Variants in CAMTA1 observed in about 807,000 individuals in gnomAD.
CAMTA1 encodes calmodulin binding transcription activator 1.
Under a neutral mutation model 170.9 loss-of-function variants are expected in CAMTA1, and 27 were observed. That is an observed-to-expected ratio of 0.16 (90% CI 0.12 to 0.22). The LOEUF is 0.22. Among genes scored for constraint, CAMTA1 ranks in the 10% least tolerant of loss-of-function variants. The pLI, the probability that CAMTA1 is intolerant of heterozygous loss-of-function variation, is 1.00. For missense variants in CAMTA1, 1,619 were observed against 2,217.2 expected (o/e 0.73, Z 5.42); for synonymous variants, 833 against 891.5 (o/e 0.93, Z 1.17).
At chr1:7,361,628 A>C (rs1389385792) in intron 5 of CAMTA1, among the ~76,000 whole-genome samples, 1 of 152,244 alleles carries the variant, frequency 6.6e-6, no homozygotes, top group African/African-American at 2.4e-5. Context: ...TTAAAAGTCA[A>C]GATGAATCTC....
At chr1:7,424,087 C>G (rs2091740811) in intron 5 of CAMTA1, among the ~76,000 whole-genome samples, 1 of 152,082 alleles carries the variant, frequency 6.6e-6, no homozygotes, top group Admixed American at 6.5e-5. Context: ...AAGCCCACGT[C>G]AGCCTTCCTC....
intron 3 of CAMTA1, among the ~76,000 whole-genome samples, chr1:7,013,209 CTTTTTTT>C (rs969077771): frequency 8.3e-5 from 7 of 84,198 alleles, no homozygotes; most frequent in African/African-American, 3.7e-4. Flanking sequence ...TGCCCTTCTT[CTTTTTTT>C]TTTTTTTTTT....
chr1:7,110,824 C>A (rs937650069), intron 4 of CAMTA1, among the ~76,000 whole-genome samples: 1 of 152,212 alleles, frequency 6.6e-6, no homozygotes, highest in Non-Finnish European at 1.5e-5. Context: ...TGTGCGACCT[C>A]GATTCCCAAA....
intron 4 of CAMTA1, among the ~76,000 whole-genome samples, chr1:7,180,241 C>G (rs1266846375): frequency 6.6e-6 from 1 of 151,872 alleles, no homozygotes; most frequent in Non-Finnish European, 1.5e-5. Flanking sequence ...GTGTCACGTT[C>G]CTGTAATCCC....
At chr1:7,321,337 T>C (rs1310096973) in intron 5 of CAMTA1, among the ~76,000 whole-genome samples, 1 of 152,200 alleles carries the variant, frequency 6.6e-6, no homozygotes, top group Non-Finnish European at 1.5e-5. Flanking sequence ...CTTTACCGTT[T>C]TGGGGTCCTA....
At chr1:7,231,086 C>A (rs556002016) in intron 4 of CAMTA1, among the ~76,000 whole-genome samples, 37 of 152,262 alleles carry the variant, frequency 2.4e-4, no homozygotes, top group Middle Eastern at 6.8e-3. Context: ...GCAGTCGAGT[C>A]TGATCGTGGG....
At chr1:6,880,795 G>A (rs1002678105) in intron 3 of CAMTA1, among the ~76,000 whole-genome samples, 2 of 151,962 alleles carry the variant, frequency 1.3e-5, no homozygotes, top group Non-Finnish European at 2.9e-5. Flanking sequence ...TCAAATATTT[G>A]TTTGTTCAAT....
At chr1:6,792,250 G>T (rs112459720) in intron 1 of CAMTA1, among the ~76,000 whole-genome samples, 2,594 of 151,980 alleles carry the variant, frequency 0.017, 35 homozygotes, top group South Asian at 0.033. Context: ...GAGCCAATGT[G>T]CCTGGCCGGA....
chr1:7,648,758 G>C (rs142202326), intron 7 of CAMTA1, among the ~76,000 whole-genome samples: 53 of 152,342 alleles, frequency 3.5e-4, no homozygotes, highest in African/African-American at 1.2e-3. Context: ...AACCACCTGG[G>C]AGGGGCTGAA....
At chr1:7,510,142 G>A (rs1251745993) in intron 6 of CAMTA1, among the ~76,000 whole-genome samples, 1 of 134,198 alleles carries the variant, frequency 7.5e-6, no homozygotes, top group African/African-American at 2.6e-5. Flanking sequence ...TGGTACGACG[G>A]CACTCGAGAT....
intron 3 of CAMTA1, among the ~76,000 whole-genome samples, chr1:7,071,834 G>A (rs548926462): frequency 9.2e-5 from 14 of 152,326 alleles, no homozygotes; most frequent in Middle Eastern, 3.4e-3. Context: ...GAAAATACCC[G>A]TGTCCTCCTG....
chr1:6,956,907 G>C (rs1298994026), intron 3 of CAMTA1, among the ~76,000 whole-genome samples: 1 of 152,216 alleles, frequency 6.6e-6, no homozygotes, highest in Non-Finnish European at 1.5e-5. Context: ...CCAGCAAGAG[G>C]CCTGGGTGGG....
At chr1:7,712,870 G>A (rs1053792037) in intron 11 of CAMTA1, among the ~76,000 whole-genome samples, 1 of 152,134 alleles carries the variant, frequency 6.6e-6, no homozygotes, top group Non-Finnish European at 1.5e-5. Flanking sequence ...CAGGCGAGAG[G>A]ACGTGTGCAG....
chr1:7,186,545 C>G (rs990701877), intron 4 of CAMTA1, among the ~76,000 whole-genome samples: 3 of 152,134 alleles, frequency 2.0e-5, no homozygotes, highest in Non-Finnish European at 4.4e-5. Context: ...ATGGCAAAAG[C>G]CCTGATCTGA....
chr1:7,328,461 C>T (rs916286201), intron 5 of CAMTA1, among the ~76,000 whole-genome samples: 2 of 152,082 alleles, frequency 1.3e-5, no homozygotes, highest in Admixed American at 1.3e-4. Flanking sequence ...TGTCACTGCA[C>T]TCCAGCCTGG....
intron 3 of CAMTA1, among the ~76,000 whole-genome samples, chr1:6,927,790 G>A (rs1170473855): frequency 6.6e-6 from 1 of 152,206 alleles, no homozygotes; most frequent in African/African-American, 2.4e-5. Context: ...ATTCCTGCAG[G>A]TCTCCTGTGA....
At chr1:7,316,026 C>T (rs567167205) in intron 5 of CAMTA1, among the ~76,000 whole-genome samples, 1 of 152,330 alleles carries the variant, frequency 6.6e-6, no homozygotes, top group South Asian at 2.1e-4. Flanking sequence ...TGGACCTTCT[C>T]ACATGGTGGC....
intron 6 of CAMTA1, among the ~76,000 whole-genome samples, chr1:7,579,285 A>G (rs1411666692): frequency 6.6e-6 from 1 of 152,224 alleles, no homozygotes. Flanking sequence ...GGCCTGGAGA[A>G]GTCTTGCCAG....
chr1:7,219,755 G>A (rs1032714222), intron 4 of CAMTA1, among the ~76,000 whole-genome samples: 3 of 151,946 alleles, frequency 2.0e-5, no homozygotes, highest in South Asian at 4.2e-4. Context: ...AGGAAGAGGG[G>A]CCTGGTGTGG....
Sources: allele counts gnomAD v4.1 joint callset (sites outside exome capture counted in the v4.1 genomes callset), GRCh38; gene constraint gnomAD v4.1.1; transcripts MANE v1.5; gene names NCBI Gene and HGNC (gene_info 2026-07-23, HGNC 2026-07-21).